The following BRAF variants were observed in gnomAD, a reference collection of about 807,000 sequenced individuals.
BRAF encodes the protein B-Raf proto-oncogene, serine/threonine kinase.
A neutral mutation model predicts 104.6 loss-of-function variants in BRAF; 16 were observed. That is an observed-to-expected ratio of 0.15 (90% CI 0.10 to 0.23). The LOEUF (loss-of-function observed/expected upper bound fraction) is 0.23. BRAF is among the 10% of genes least tolerant of loss of function. The pLI, the probability that BRAF is intolerant of heterozygous loss-of-function variation, is 1.00. For synonymous variants in BRAF, 310 were observed against 341.6 expected, an observed-to-expected ratio of 0.91 and a Z score of 1.02; for missense variants, 541 against 937.3, an observed-to-expected ratio of 0.58 and a Z score of 5.52.
In BRAF at chr7:140,754,235, T is replaced by C. The variant is rs2128999728; in HGVS notation, c.1815-2A>G. ...ATGATTGACTTGGCGTGTAAGTAAC[T>C]GAAAAACAAAACATCATTTTAACCT... On this transcript the variant is annotated splice_acceptor_variant, in intron 14 of 19. Transcript: ENST00000644969. LOFTEE classifies it high-confidence loss of function. The C allele has an allele frequency of 6.2e-7, 1 of 1,613,480 alleles. No homozygotes were observed. The highest frequency in any genetic ancestry group is 8.5e-7 in the Non-Finnish European group (1 of 1,179,486).
intron 14 of BRAF, among the ~76,000 whole-genome samples, chr7:140,756,995 C>A (rs1191433057): frequency 6.6e-6 from 1 of 152,162 alleles, no homozygotes; most frequent in Admixed American, 6.5e-5. Context: ...ATCTAACCAA[C>A]ACAAACTATG....
intron 1 of BRAF, among the ~76,000 whole-genome samples, chr7:140,894,465 C>T (rs374392837): frequency 3.0e-4 from 45 of 151,996 alleles, no homozygotes; most frequent in African/African-American, 9.6e-4. Context: ...AGGTTTATAT[C>T]TCATATGAAG....
chr7:140,745,431 G>A (rs1404378656), intron 17 of BRAF, among the ~76,000 whole-genome samples: 2 of 152,204 alleles, frequency 1.3e-5, no homozygotes, highest in Admixed American at 6.5e-5. Context: ...AGTATCTGCT[G>A]GGGTGGGGTG....
At position 140,734,774 on chromosome 7, in the gene BRAF, C is replaced by CAA. The variant is rs373442098; in HGVS notation, c.2248-6_2248-5dup. ...GCAGCTCAATAGAGGCGAGAATCTA[C>CAA]AAAAAAAAAAAGAAAAAAAAAAGAA... On this transcript the variant is annotated splice_region_variant and splice_polypyrimidine_tract_variant and intron_variant, in intron 18 of 19. Transcript: ENST00000644969. 1.5e-3 allele frequency: 1,177 copies of CAA among 769,240 alleles called. No homozygotes were observed. Among genetic ancestry groups the CAA allele is most frequent in the South Asian group, 5.0e-3 (184 of 36,648 alleles). The allele number at this position is 769,240 out of a possible 1,614,324, so 47.7% of individuals were successfully genotyped here.
intron 1 of BRAF, among the ~76,000 whole-genome samples, chr7:140,893,844 T>G (rs533075303): frequency 2.0e-4 from 31 of 152,116 alleles, no homozygotes; most frequent in African/African-American, 7.0e-4. Flanking sequence ...AAAAACAAAA[T>G]TGAAGAACAG....
At chr7:140,874,491 C>T (rs1264927380) in intron 1 of BRAF, among the ~76,000 whole-genome samples, 3 of 141,350 alleles carry the variant, frequency 2.1e-5, no homozygotes, top group African/African-American at 5.3e-5. Flanking sequence ...TGAGCCACCG[C>T]GACTGGCCTA....
rs1315756253 is a variant in BRAF, at chr7:140,915,956, G to A, written c.138+8610C>T. ...GAGCCCAGGATTTCGAGACTAGCCT[G>A]AGCAACACAGCATCTCTACCAAAAC... On this transcript the variant is annotated intron_variant, in intron 1 of 19. Coordinates refer to ENST00000644969, the MANE Select transcript of BRAF (RefSeq NM_001374258.1). Among the ~76,000 whole-genome samples, 8 of 151,766 alleles carry A rather than the reference G, an allele frequency of 5.3e-5. No homozygotes were observed. The East Asian group carries it at 1.6e-3, about 29-fold the overall frequency.
rs1293367820 is a variant in BRAF, at chr7:140,721,456, A to C, written c.*5038T>G. 2 of 1,263,504 alleles carry C rather than the reference A, an allele frequency of 1.6e-6. No homozygotes were observed. Among genetic ancestry groups the C allele is most frequent in the South Asian group, 3.2e-5 (1 of 31,340 alleles). The allele number at this position is 1,263,504 out of a possible 1,614,324, so 78.3% of individuals were successfully genotyped here. ...CAATTTAAATGTCTTTGCCCAAACA[A>C]AAGTGAAAATAGGTTATTTGAAAAC... On this transcript the variant is annotated 3_prime_UTR_variant, in exon 20 of 20. Transcript: ENST00000644969.
At chr7:140,801,881 A>G (rs2129044565) in intron 5 of BRAF, among the ~76,000 whole-genome samples, 1 of 152,320 alleles carries the variant, frequency 6.6e-6, no homozygotes, top group African/African-American at 2.4e-5. Context: ...ACAGAGGTGA[A>G]AGGAAGAAGC....
At chr7:140,763,258 C>T (rs556425489) in intron 14 of BRAF, among the ~76,000 whole-genome samples, 48 of 151,528 alleles carry the variant, frequency 3.2e-4, no homozygotes, top group African/African-American at 1.1e-3. Flanking sequence ...ACCTCCCTCC[C>T]GGACGGGGTG....
At chr7:140,914,635 G>A (rs757487671) in intron 1 of BRAF, among the ~76,000 whole-genome samples, 58 of 152,080 alleles carry the variant, frequency 3.8e-4, no homozygotes, top group Non-Finnish European at 6.0e-4. Flanking sequence ...GTAAAAAAAA[G>A]TTATAAAGGC....
chr7:140,866,317 C>T (rs1457352779), intron 1 of BRAF, among the ~76,000 whole-genome samples: 5 of 152,186 alleles, frequency 3.3e-5, no homozygotes, highest in Non-Finnish European at 7.4e-5. Flanking sequence ...CCAGGTTACT[C>T]TCAGTTCTCC....
intron 8 of BRAF, among the ~76,000 whole-genome samples, chr7:140,789,219 C>CAAA (rs201489839): frequency 6.8e-6 from 1 of 146,556 alleles, no homozygotes; most frequent in African/African-American, 2.5e-5. Context: ...AGAAAAAAAA[C>CAAA]AAAAAAAAAA....
At chr7:140,749,664 A>G (rs1797633225) in intron 16 of BRAF, among the ~76,000 whole-genome samples, 1 of 152,186 alleles carries the variant, frequency 6.6e-6, no homozygotes, top group South Asian at 2.1e-4. Context: ...TTTAGTAATT[A>G]TTTAGGCAAT....
chr7:140,743,667 T>C (rs1303534883), intron 17 of BRAF, among the ~76,000 whole-genome samples: 1 of 151,800 alleles, frequency 6.6e-6, no homozygotes, highest in Non-Finnish European at 1.5e-5. Flanking sequence ...GGCACATGTA[T>C]ACATATGTAA....
In BRAF at chr7:140,924,498, C is replaced by A. The variant is rs1818639475; in HGVS notation, c.138+68G>T. The A allele has an allele frequency of 6.5e-7, 1 of 1,529,528 alleles. No individual in the cohort carries two copies. 94.7% of individuals were successfully genotyped at this position (1,529,528 alleles called of 1,614,324 possible). A position where few individuals can be genotyped will look rare whatever the true frequency, so the allele number is the denominator to read the frequency against. ...ATCAAGCCCCCACCGCCGCCTCTTT[C>A]CAAAATAAACACCAGCCAGCCGCCG... On this transcript the variant is annotated intron_variant, in intron 1 of 19. Coordinates refer to ENST00000644969, the MANE Select transcript of BRAF (RefSeq NM_001374258.1). The surrounding 1 kb of genome is among the most constrained non-coding windows in gnomAD (Gnocchi z 4.2).
intron 19 of BRAF, among the ~76,000 whole-genome samples, chr7:140,726,959 A>G (rs1795629891): frequency 6.6e-6 from 1 of 152,232 alleles, no homozygotes; most frequent in African/African-American, 2.4e-5. Context: ...TAAAGATACA[A>G]TTAAGAGGTC....
intron 1 of BRAF, among the ~76,000 whole-genome samples, chr7:140,853,214 CA>C (rs1161592208): frequency 1.1e-4 from 12 of 112,632 alleles, no homozygotes; most frequent in Admixed American, 3.7e-4. Context: ...CCTGTATCTA[CA>C]AAAAAAAAAG....
intron 18 of BRAF, among the ~76,000 whole-genome samples, chr7:140,736,784 C>T (rs534952637): frequency 2.0e-5 from 3 of 151,980 alleles, no homozygotes; most frequent in African/African-American, 7.2e-5. Context: ...CGCCTGTAAT[C>T]CCAGCACTTT....
Sources: gnomAD v4.1 joint callset for allele counts (sites outside exome capture counted in the v4.1 genomes callset) on GRCh38, gnomAD v4.1.1 for gene constraint, Gnocchi (gnomAD v3.1) non-coding constraint, MANE v1.5 for transcripts, NCBI Gene and HGNC (gene_info 2026-07-23, HGNC 2026-07-21) for gene names.